Variants in ZPBP observed in about 807,000 individuals in gnomAD.
The protein encoded by ZPBP is zona pellucida binding protein, also known as zona pellucida-binding protein 1.
Under a neutral mutation model 44.8 loss-of-function variants are expected in ZPBP, and 26 were observed. The ratio of observed to expected loss-of-function variants is 0.58; its 90% confidence interval spans 0.43 to 0.81. The LOEUF (loss-of-function observed/expected upper bound fraction) is 0.81. ZPBP is among the 30% of genes least tolerant of loss of function. The pLI, the probability that ZPBP is intolerant of heterozygous loss-of-function variation, is 0.00. For missense variants in ZPBP, 409 were observed against 434.0 expected (o/e 0.94, Z 0.51); for synonymous variants, 174 against 153.2 (o/e 1.14, Z -1.00).
At chr7:50,058,483 A>T (rs1264225379) in intron 3 of ZPBP, among the ~76,000 whole-genome samples, 3 of 152,168 alleles carry the variant, frequency 2.0e-5, no homozygotes, top group Non-Finnish European at 2.9e-5. Flanking sequence ...ACACATACAT[A>T]TATACATATA....
chr7:50,010,892 C>A (rs1798536903), intron 6 of ZPBP, among the ~76,000 whole-genome samples: 1 of 137,352 alleles, frequency 7.3e-6, no homozygotes, highest in Non-Finnish European at 1.6e-5. Context: ...CCCCACATAG[C>A]CAAAGCAAGA....
chr7:50,061,747 A>G (rs1176919264), intron 3 of ZPBP, among the ~76,000 whole-genome samples: 1 of 152,164 alleles, frequency 6.6e-6, no homozygotes, highest in Non-Finnish European at 1.5e-5. Flanking sequence ...TTCTAATTAC[A>G]AGCGGCCAGA....
intron 6 of ZPBP, among the ~76,000 whole-genome samples, chr7:50,000,661 T>C (rs1798052710): frequency 6.6e-6 from 1 of 152,202 alleles, no homozygotes; most frequent in African/African-American, 2.4e-5. Context: ...CTCAGCTTCA[T>C]TCACCATCTG....
chr7:49,865,760 C>T (rs566393732), intron 2 of ZPBP, among the ~76,000 whole-genome samples: 2 of 152,328 alleles, frequency 1.3e-5, no homozygotes, highest in African/African-American at 2.4e-5. Flanking sequence ...AACAAGCCAG[C>T]CTCCTGATCC....
rs2128763746 is a variant in ZPBP at position 49,959,875 on chromosome 7, G to A, written c.962-22253C>T. On this transcript the variant is annotated intron_variant, in intron 7 of 7. Coordinates refer to ENST00000046087, the MANE Select transcript of ZPBP (RefSeq NM_007009.3). ...AAGCTACAGTAATCAAGATACTTCA[G>A]TATTGTTCAAATAACAGACATAGAT... Among the ~76,000 whole-genome samples the A allele has an allele frequency of 2.0e-5, 3 of 152,306 alleles. No homozygotes were observed. The South Asian group carries it at 6.2e-4, about 32-fold the overall frequency.
intron 5 of ZPBP, among the ~76,000 whole-genome samples, chr7:50,022,674 G>C (rs1049275018): frequency 1.7e-4 from 26 of 152,048 alleles, no homozygotes; most frequent in African/African-American, 6.3e-4. Flanking sequence ...TGTCAGGCCT[G>C]TATCAACAAC....
At chr7:49,960,886 G>T (rs1645105669) in intron 7 of ZPBP, among the ~76,000 whole-genome samples, 1 of 116,992 alleles carries the variant, frequency 8.5e-6, no homozygotes, top group Non-Finnish European at 2.0e-5. Flanking sequence ...CTCACATATT[G>T]CTGTATAACA....
rs557944041 is a variant in ZPBP at position 50,081,763 on chromosome 7, C to T, written c.334+11G>A. ...ATTTATTTAATTACAATAATTGAAA[C>T]AAAATCCTACCTGAAACAACTTTTC... On this transcript the variant is annotated intron_variant, in intron 3 of 7. Coordinates refer to ENST00000046087, the MANE Select transcript of ZPBP (RefSeq NM_007009.3). The T allele has an allele frequency of 2.5e-6, 4 of 1,610,240 alleles. No individual in the cohort carries two copies. The South Asian group carries it at 3.3e-5, about 13-fold the overall frequency.
At chr7:50,072,051 G>A (rs1262374993) in intron 3 of ZPBP, among the ~76,000 whole-genome samples, 2 of 152,216 alleles carry the variant, frequency 1.3e-5, no homozygotes, top group East Asian at 3.9e-4. Context: ...CACAGACGGG[G>A]AGAGCAACAA....
downstream of ZPBP, among the ~76,000 whole-genome samples, chr7:49,936,369 G>A (rs1280539736): frequency 6.6e-6 from 1 of 152,176 alleles, no homozygotes; most frequent in African/African-American, 2.4e-5. Flanking sequence ...TTCCCTTTGT[G>A]TCTGTGTGAG....
chr7:49,962,666 T>G (rs1344109790), intron 7 of ZPBP, among the ~76,000 whole-genome samples: 1 of 151,734 alleles, frequency 6.6e-6, no homozygotes, highest in East Asian at 1.9e-4. Flanking sequence ...AGCAAATAGA[T>G]CTTAAGAAAA....
chr7:49,940,361 A>G (rs1783259270), intron 7 of ZPBP, among the ~76,000 whole-genome samples: 1 of 152,150 alleles, frequency 6.6e-6, no homozygotes, highest in Non-Finnish European at 1.5e-5. Context: ...TCAATTAGAA[A>G]AACAAATAAA....
intron 6 of ZPBP, among the ~76,000 whole-genome samples, chr7:49,987,727 G>GTT (rs1797361050): frequency 1.1e-5 from 1 of 93,368 alleles, no homozygotes; most frequent in African/African-American, 4.4e-5. Context: ...TTATATATGT[G>GTT]TTGTGTGTGT....
intron 3 of ZPBP, among the ~76,000 whole-genome samples, chr7:50,063,835 C>T (rs912682657): frequency 6.6e-6 from 1 of 152,114 alleles, no homozygotes; most frequent in Non-Finnish European, 1.5e-5. Flanking sequence ...GCTTGTATTG[C>T]CAATAAATCT....
intron 3 of ZPBP, among the ~76,000 whole-genome samples, chr7:50,072,336 T>C (rs555063776): frequency 1.3e-5 from 2 of 152,264 alleles, no homozygotes; most frequent in East Asian, 1.9e-4. Context: ...AGCTGCAATA[T>C]AATAGAACAC....
chr7:49,864,164 G>T (rs1790786632), intron 2 of ZPBP, among the ~76,000 whole-genome samples: 1 of 152,106 alleles, frequency 6.6e-6, no homozygotes, highest in African/African-American at 2.4e-5. Context: ...CTTGCCATTG[G>T]TGTCACTGAA....
At chr7:49,870,332 G>A (rs1791094705) in intron 2 of ZPBP, among the ~76,000 whole-genome samples, 1 of 152,178 alleles carries the variant, frequency 6.6e-6, no homozygotes, top group South Asian at 2.1e-4. Context: ...CCCAGGAGGT[G>A]GAGCTTGCAG....
intron 2 of ZPBP, among the ~76,000 whole-genome samples, chr7:49,887,589 T>G (rs754713368): frequency 2.6e-5 from 4 of 152,180 alleles, no homozygotes; most frequent in Non-Finnish European, 5.9e-5. Context: ...GATAATCAGA[T>G]GTCAATGGCA....
chr7:50,003,893 C>CT (rs1180424287), intron 6 of ZPBP, among the ~76,000 whole-genome samples: 1 of 152,128 alleles, frequency 6.6e-6, no homozygotes, highest in Non-Finnish European at 1.5e-5. Context: ...ACATCTCTTA[C>CT]TGAACTGACA....
Sources: allele counts gnomAD v4.1 joint callset (sites outside exome capture counted in the v4.1 genomes callset), GRCh38; gene constraint gnomAD v4.1.1; transcripts MANE v1.5; gene names NCBI Gene and HGNC (gene_info 2026-07-23, HGNC 2026-07-21).